FAM149B1: variants seen among roughly 807,000 people sequenced by gnomAD.
FAM149B1 encodes the protein family with sequence similarity 149 member B1.
FAM149B1 carries 56 observed loss-of-function variants against 75.3 expected under a neutral mutation model. The ratio of observed to expected loss-of-function variants is 0.74; its 90% CI spans 0.60 to 0.93. The LOEUF (loss-of-function observed/expected upper bound fraction) is 0.93. Among genes scored for constraint, FAM149B1 ranks in the 40% least tolerant of loss-of-function variants. The probability of loss-of-function intolerance (pLI) is 0.00; values close to 1 mark genes in which losing one functional copy is unlikely to be tolerated. For missense variants in FAM149B1, 639 were observed against 708.4 expected (o/e 0.90, Z 1.11); for synonymous variants, 259 against 256.1 (o/e 1.01, Z -0.11).
intron 3 of FAM149B1, among the ~76,000 whole-genome samples, chr10:73,183,862 G>A (rs1224442657): frequency 6.6e-6 from 1 of 152,216 alleles, no homozygotes; most frequent in African/African-American, 2.4e-5. Flanking sequence ...AGGCTCAGTA[G>A]GTTTGGAGTG....
intron 8 of FAM149B1, among the ~76,000 whole-genome samples, chr10:73,228,827 C>T (rs972251860): frequency 6.6e-6 from 1 of 152,106 alleles, no homozygotes; most frequent in Non-Finnish European, 1.5e-5. Context: ...AACTCCTGGC[C>T]TCATGTGATC....
intron 3 of FAM149B1, among the ~76,000 whole-genome samples, chr10:73,178,273 C>T (rs574949366): frequency 2.0e-5 from 3 of 152,270 alleles, no homozygotes; most frequent in East Asian, 1.9e-4. Context: ...GGGCGGATCA[C>T]CTGAGGTTGG....
In FAM149B1 at chr10:73,168,767, C is replaced by A; in HGVS notation, c.47+381C>A. The A allele has an allele frequency of 1.0e-5, 2 of 193,508 alleles. 1 individual carries two copies. The highest frequency in any genetic ancestry group is 2.5e-4 in the South Asian group (2 of 7,928). 12.0% of individuals were successfully genotyped at this position (193,508 alleles called of 1,614,324 possible). ...ATTTGCTCATTCCTATCAATGATAT[C>A]AGATTGGGAACATTATTTTGCACAT... On this transcript the variant is annotated intron_variant, in intron 1 of 13. Coordinates refer to ENST00000242505, the MANE Select transcript of FAM149B1 (RefSeq NM_173348.2).
intron 1 of FAM149B1, 80 bp from the exon 2 acceptor site, chr10:73,174,607 G>C: frequency 9.8e-7 from 1 of 1,021,048 alleles, no homozygotes; most frequent in Non-Finnish European, 1.5e-6. Context: ...GAGGAAGTAG[G>C]TGACTAACTT....
intron 11 of FAM149B1, 117 bp from the exon 12 acceptor site, chr10:73,235,076 T>A (rs1589195246): frequency 6.9e-7 from 1 of 1,448,264 alleles, no homozygotes; most frequent in East Asian, 2.5e-5. Context: ...ATTTATGACG[T>A]GGAATTGGAG....
Position 73,241,201 on chromosome 10 carries a change from G to C in FAM149B1, c.*182G>C. ...AGCAGCCAAAAATGACATGAGTGTT[G>C]TTTCTATCTCCAGTTACTGTCTCTT... is the stretch of plus-strand genomic sequence containing the variant. On this transcript the variant is annotated 3_prime_UTR_variant, in exon 14 of 14. Transcript: ENST00000242505. 1 of 568,842 alleles carries C rather than the reference G, an allele frequency of 1.8e-6. No homozygotes were observed. Among genetic ancestry groups the C allele is most frequent in the Non-Finnish European group, 3.2e-6 (1 of 316,606 alleles). The allele number at this position is 568,842 out of a possible 1,614,324, so 35.2% of individuals were successfully genotyped here. A position where few individuals can be genotyped will look rare whatever the true frequency, so the allele number is the denominator to read the frequency against.
intron 7 of FAM149B1, among the ~76,000 whole-genome samples, chr10:73,227,514 C>T (rs1173173809): frequency 6.6e-6 from 1 of 152,194 alleles, no homozygotes; most frequent in Non-Finnish European, 1.5e-5. Context: ...TCTGCCTGCT[C>T]TTTTTCAAGA....
chr10:73,178,440 G>A (rs937529174), intron 3 of FAM149B1, among the ~76,000 whole-genome samples: 4 of 151,514 alleles, frequency 2.6e-5, no homozygotes, highest in South Asian at 2.1e-4. Flanking sequence ...GCTGTGAGCC[G>A]AGATCACGCC....
Position 73,228,061 on chromosome 10 carries a change from T to A in FAM149B1, c.900T>A (p.Asp300Glu). The A allele has an allele frequency of 6.4e-7, 1 of 1,551,732 alleles. No homozygotes were observed. The highest frequency in any genetic ancestry group is 8.7e-7 in the Non-Finnish European group (1 of 1,146,888). ...TRSHWEGFAS[D>E]DESNVAVTRP... ...AATATATCCTGTTCCTTTGCCCAGA[T>A]GATGAGAGTAATGTTGCAGTTACCA... Residue 300 changes from aspartate (D) to glutamate (E), a missense_variant and splice_region_variant, in exon 8 of 14, where the codon GAT becomes GAA. By Grantham distance (45) the Asp-to-Glu change is conservative. Coordinates refer to ENST00000242505, the MANE Select transcript of FAM149B1 (RefSeq NM_173348.2).
At chr10:73,214,890 T>C (rs2043262303) in intron 7 of FAM149B1, among the ~76,000 whole-genome samples, 2 of 152,216 alleles carry the variant, frequency 1.3e-5, no homozygotes, top group Non-Finnish European at 2.9e-5. Flanking sequence ...TATTTGTATA[T>C]TTGGTATAAT....
At chr10:73,182,630 A>G (rs1254434433) in intron 3 of FAM149B1, among the ~76,000 whole-genome samples, 2 of 152,314 alleles carry the variant, frequency 1.3e-5, no homozygotes, top group Non-Finnish European at 2.9e-5. Flanking sequence ...AGTTCAGACC[A>G]CATGAAAAGG....
rs932806638 is a variant in FAM149B1, at chr10:73,234,954, A to G, written c.1476+14A>G. 25 of 1,551,506 alleles carry G rather than the reference A, an allele frequency of 1.6e-5. No individual in the cohort carries two copies. The highest frequency in any genetic ancestry group is 2.1e-5 in the Non-Finnish European group (24 of 1,146,926). ...CAAAGACAGATGGTATGTTTCTTTC[A>G]TATTGCCTCTCCATGTACTTACCAT... On this transcript the variant is annotated intron_variant, in intron 11 of 13. Coordinates refer to ENST00000242505, the MANE Select transcript of FAM149B1 (RefSeq NM_173348.2).
chr10:73,182,211 C>CTTTTTTTT (rs1193905747), intron 3 of FAM149B1, among the ~76,000 whole-genome samples: 3 of 109,402 alleles, frequency 2.7e-5, no homozygotes, highest in Non-Finnish European at 3.9e-5. Flanking sequence ...CAGTCTGTGT[C>CTTTTTTTT]TTTTTTTTTT....
chr10:73,213,110 G>T (rs2133372600), intron 7 of FAM149B1, among the ~76,000 whole-genome samples: 1 of 152,294 alleles, frequency 6.6e-6, no homozygotes, highest in Non-Finnish European at 1.5e-5. Flanking sequence ...GCCTCCCAAA[G>T]TGCTGGGATT....
chr10:73,176,559 G>A (rs1843972336), intron 2 of FAM149B1, among the ~76,000 whole-genome samples: 1 of 152,152 alleles, frequency 6.6e-6, no homozygotes, highest in African/African-American at 2.4e-5. Flanking sequence ...TTCTATTAGT[G>A]TCTGAGATGC....
chr10:73,222,697 T>A (rs1017856484), intron 7 of FAM149B1, among the ~76,000 whole-genome samples: 1 of 152,194 alleles, frequency 6.6e-6, no homozygotes, highest in African/African-American at 2.4e-5. Context: ...TTGTTTATCA[T>A]CTCAGGGTTT....
intron 3 of FAM149B1, among the ~76,000 whole-genome samples, chr10:73,182,211 CTTT>C (rs1193905747): frequency 1.1e-4 from 12 of 109,376 alleles, no homozygotes; most frequent in African/African-American, 1.0e-4. Flanking sequence ...CAGTCTGTGT[CTTT>C]TTTTTTTTTT....
At chr10:73,235,614 T>G (rs1564717354) in intron 12 of FAM149B1, 1 of 387,432 alleles carries the variant, frequency 2.6e-6, no homozygotes, top group South Asian at 3.2e-5. Context: ...AAGCATAACT[T>G]TATTATGTAA....
At chr10:73,178,836 C>G (rs1844086321) in intron 3 of FAM149B1, among the ~76,000 whole-genome samples, 1 of 152,134 alleles carries the variant, frequency 6.6e-6, no homozygotes, top group Non-Finnish European at 1.5e-5. Flanking sequence ...TACTTCTTTA[C>G]TTATTTTTGG....
Sources: allele counts gnomAD v4.1 joint callset (sites outside exome capture counted in the v4.1 genomes callset), GRCh38; gene constraint gnomAD v4.1.1; transcripts MANE v1.5; gene names NCBI Gene and HGNC (gene_info 2026-07-23, HGNC 2026-07-21).